The following ACBD6 variants were observed in gnomAD, a reference collection of about 807,000 sequenced individuals.
ACBD6 encodes the protein acyl-CoA-binding domain-containing protein 6.
In ACBD6, 28 loss-of-function variants were observed where a neutral mutation model predicts 37.2. That is an observed-to-expected ratio of 0.75 (90% CI 0.56 to 1.03). The LOEUF is 1.03. Among genes scored for constraint, ACBD6 ranks in the 50% least tolerant of loss-of-function variants. ACBD6 has a pLI of 0.00. For missense variants in ACBD6, 340 were observed against 337.4 expected, an observed-to-expected ratio of 1.01 and a Z score of -0.06; for synonymous variants, 113 against 126.8, an observed-to-expected ratio of 0.89 and a Z score of 0.73.
At chr1:180,383,363 T>TA (rs1234746090) in intron 6 of ACBD6, among the ~76,000 whole-genome samples, 1 of 151,870 alleles carries the variant, frequency 6.6e-6, no homozygotes, top group East Asian at 1.9e-4. Context: ...AATCAACATA[T>TA]AAAAAATCAG....
rs186190297 is a variant in ACBD6 at position 180,318,429 on chromosome 1, T to C, written c.664-3707A>G. ...TGTTGTGCTGGCTGACACCTACTTA[T>C]TGATTCCTATATGCTTTTTGATTCT... On this transcript the variant is annotated intron_variant, in intron 6 of 7. Transcript: ENST00000367595. 1.6e-4 allele frequency among the ~76,000 whole-genome samples: 24 copies of C among 152,260 alleles called. 1 individual carries two copies. The South Asian group carries it at 3.7e-3, about 24-fold the overall frequency.
chr1:180,458,695 G>A (rs1293992324), intron 3 of ACBD6, among the ~76,000 whole-genome samples: 1 of 152,054 alleles, frequency 6.6e-6, no homozygotes, highest in Non-Finnish European at 1.5e-5. Context: ...ATAGTTGAGG[G>A]GCAATGAAAA....
intron 5 of ACBD6, among the ~76,000 whole-genome samples, chr1:180,400,002 A>T (rs979692663): frequency 6.6e-6 from 1 of 152,246 alleles, no homozygotes; most frequent in Non-Finnish European, 1.5e-5. Context: ...TACTTTTACC[A>T]TAAGATGTAT....
chr1:180,271,608 A>G lies in ACBD6; in HGVS notation c.*1617T>C, dbSNP rs74132441. ...AGGGGTGGAAGGTATCCTGAGTGAC[A>G]TCAGCTCACGGGTGGTTGGGCTCAG... On this transcript the variant is annotated 3_prime_UTR_variant, in exon 14 of 14. Transcript: ENST00000642319. The G allele has an allele frequency of 1.9e-3, 3,067 of 1,576,110 alleles. 60 individuals carry two copies. The African/African-American group carries it at 0.036, about 19-fold the overall frequency.
intron 6 of ACBD6, among the ~76,000 whole-genome samples, chr1:180,364,012 A>C (rs1008068767): frequency 3.9e-5 from 6 of 152,228 alleles, no homozygotes; most frequent in Admixed American, 1.3e-4. Flanking sequence ...CAAGAATACA[A>C]GATGTGTCTA....
intron 6 of ACBD6, 24 bp from the exon 7 acceptor site, chr1:180,314,746 T>C: frequency 6.6e-7 from 1 of 1,508,712 alleles, no homozygotes; most frequent in Non-Finnish European, 9.2e-7. Flanking sequence ...AAATAATACA[T>C]TTTAGAAGTC....
At chr1:180,382,842 T>C (rs1056310519) in intron 6 of ACBD6, among the ~76,000 whole-genome samples, 2 of 152,072 alleles carry the variant, frequency 1.3e-5, no homozygotes, top group African/African-American at 4.8e-5. Context: ...CAGTACAGAA[T>C]ACATCATGAT....
At chr1:180,402,020 T>C (rs1647393496) in intron 5 of ACBD6, among the ~76,000 whole-genome samples, 1 of 152,098 alleles carries the variant, frequency 6.6e-6, no homozygotes, top group Middle Eastern at 3.2e-3. Flanking sequence ...AATTAGCAAA[T>C]GAAATACTGC....
intron 6 of ACBD6, among the ~76,000 whole-genome samples, chr1:180,373,442 T>A (rs1277339787): frequency 1.3e-5 from 2 of 152,226 alleles, no homozygotes. Context: ...AAAAGAGTAC[T>A]AGCCTTTACC....
chr1:180,443,211 T>C (rs191499796), intron 3 of ACBD6, among the ~76,000 whole-genome samples: 33 of 152,328 alleles, frequency 2.2e-4, no homozygotes, highest in African/African-American at 7.9e-4. Context: ...GCCTTTGATA[T>C]AGCATTTAAT....
chr1:180,352,641 T>C (rs1349299494), intron 6 of ACBD6, among the ~76,000 whole-genome samples: 2 of 152,090 alleles, frequency 1.3e-5, no homozygotes, highest in South Asian at 2.1e-4. Context: ...GGGTAAACAA[T>C]ACAGGTAAAG....
At chr1:180,284,814 G>T (rs1309318555), downstream of ACBD6, among the ~76,000 whole-genome samples, 1 of 152,016 alleles carries the variant, frequency 6.6e-6, no homozygotes, top group Non-Finnish European at 1.5e-5. Context: ...GAAGCTTTTG[G>T]ACTTGATATG....
chr1:180,389,481 T>C (rs372440467), intron 6 of ACBD6, among the ~76,000 whole-genome samples: 2 of 152,168 alleles, frequency 1.3e-5, no homozygotes, highest in South Asian at 2.1e-4. Flanking sequence ...TGTGTCTTTA[T>C]AGCAGCATGA....
At chr1:180,440,063 T>C (rs1044741703) in intron 3 of ACBD6, among the ~76,000 whole-genome samples, 4 of 152,194 alleles carry the variant, frequency 2.6e-5, no homozygotes, top group African/African-American at 9.7e-5. Context: ...TTCAGTTCAG[T>C]TGGCAATGAA....
chr1:180,327,740 T>C (rs1651309523), intron 6 of ACBD6, among the ~76,000 whole-genome samples: 1 of 152,238 alleles, frequency 6.6e-6, no homozygotes, highest in South Asian at 2.1e-4. Context: ...ATGACAGACA[T>C]GATAATACAA....
intron 2 of ACBD6, among the ~76,000 whole-genome samples, chr1:180,494,358 T>C (rs967194315): frequency 9.2e-5 from 14 of 152,114 alleles, no homozygotes; most frequent in Admixed American, 4.6e-4. Context: ...AACAAAAAAC[T>C]CACTGTCAAC....
At chr1:180,293,494 G>A (rs1649796224) in intron 7 of ACBD6, among the ~76,000 whole-genome samples, 1 of 152,066 alleles carries the variant, frequency 6.6e-6, no homozygotes, top group African/African-American at 2.4e-5. Flanking sequence ...TTTTAGTAGA[G>A]ACGGGGTTTT....
intron 6 of ACBD6, among the ~76,000 whole-genome samples, chr1:180,317,405 A>G (rs1445899800): frequency 1.3e-5 from 2 of 152,216 alleles, no homozygotes; most frequent in Non-Finnish European, 2.9e-5. Flanking sequence ...GGGATGGTGG[A>G]AAAGTTCTGG....
chr1:180,272,632 G>C (rs1648739145), exon 13 of ACBD6: 1 of 152,418 alleles, frequency 6.6e-6, no homozygotes. Context: ...TGAATCCTCA[G>C]GTTGTTTGCA....
Sources: gnomAD v4.1 joint callset for allele counts (sites outside exome capture counted in the v4.1 genomes callset) on GRCh38, gnomAD v4.1.1 for gene constraint, MANE v1.5 for transcripts, NCBI Gene and HGNC (gene_info 2026-07-23, HGNC 2026-07-21) for gene names.